The following CAPN13 variants were observed in gnomAD, a reference collection of about 807,000 sequenced individuals.
The protein encoded by CAPN13 is calpain-13.
Under a neutral mutation model 98.4 loss-of-function variants are expected in CAPN13, and 90 were observed. That is an observed-to-expected ratio of 0.92 (90% CI 0.77 to 1.09). The LOEUF (loss-of-function observed/expected upper bound fraction) is 1.09. Ranked by LOEUF, CAPN13 falls within the 50% of genes least tolerant of loss-of-function variation. The probability of loss-of-function intolerance (pLI) is 0.00; values close to 1 mark genes in which losing one functional copy is unlikely to be tolerated. For missense variants in CAPN13, 887 were observed against 841.3 expected, an observed-to-expected ratio of 1.05 and a Z score of -0.67; for synonymous variants, 330 against 305.5, an observed-to-expected ratio of 1.08 and a Z score of -0.84.
At chr2:30,760,001 T>G (rs897149514) in intron 7 of CAPN13, among the ~76,000 whole-genome samples, 1 of 152,222 alleles carries the variant, frequency 6.6e-6, no homozygotes, top group African/African-American at 2.4e-5. Context: ...TGACTTGCAA[T>G]GCCTCCAAGA....
chr2:30,772,128 T>C (rs1416829668), intron 4 of CAPN13, among the ~76,000 whole-genome samples: 1 of 152,164 alleles, frequency 6.6e-6, no homozygotes, highest in Non-Finnish European at 1.5e-5. Flanking sequence ...TCAGATAAGT[T>C]TGCCACTCTC....
intron 7 of CAPN13, among the ~76,000 whole-genome samples, chr2:30,761,641 T>G (rs1026892766): frequency 2.0e-5 from 3 of 152,236 alleles, no homozygotes; most frequent in Non-Finnish European, 4.4e-5. Context: ...GGCACCTGAC[T>G]TCCTCATCTC....
At chr2:30,795,058 A>G (rs1398839258) in intron 1 of CAPN13, among the ~76,000 whole-genome samples, 1 of 152,018 alleles carries the variant, frequency 6.6e-6, no homozygotes, top group East Asian at 1.9e-4. Flanking sequence ...AATGCTATAT[A>G]TAATTTATAT....
At chr2:30,804,446 G>A (rs779882292) in intron 1 of CAPN13, among the ~76,000 whole-genome samples, 4 of 152,048 alleles carry the variant, frequency 2.6e-5, no homozygotes, top group African/African-American at 4.8e-5. Context: ...CAGGCAATCC[G>A]CCCACCTCGG....
At chr2:30,731,583 T>TGGCTCAG (rs975901442) in intron 20 of CAPN13, among the ~76,000 whole-genome samples, 184 bp from the exon 21 acceptor site, 6 of 152,154 alleles carry the variant, frequency 3.9e-5, no homozygotes, top group Non-Finnish European at 8.8e-5. Context: ...ACGGGGCGAG[T>TGGCTCAG]GGCTCAGGGC....
intron 4 of CAPN13, among the ~76,000 whole-genome samples, chr2:30,770,795 A>T (rs1673366020): frequency 6.6e-6 from 1 of 152,336 alleles, no homozygotes. Context: ...TTGTGCACAA[A>T]ATGGCAATAG....
intron 1 of CAPN13, among the ~76,000 whole-genome samples, chr2:30,791,926 A>C (rs1674627201): frequency 1.3e-5 from 2 of 152,238 alleles, no homozygotes; most frequent in South Asian, 4.1e-4. Context: ...GAATACACAG[A>C]TAAATCACCT....
Position 30,758,097 on chromosome 2 carries a change from C to T in CAPN13, c.815G>A (p.Trp272Ter), listed in dbSNP as rs749948607. 1 of 1,610,364 alleles carries T rather than the reference C, an allele frequency of 6.2e-7. No individual in the cohort carries two copies. Among genetic ancestry groups the T allele is most frequent in the Non-Finnish European group, 8.5e-7 (1 of 1,178,506 alleles). ...GGCCTCGCCCCAGCCCCAGGGGTTC[C>T]ACAGGGAGATAATTTCTTCCCAGCC... ...RRGWEEIISL[W>*]NPWGWGEAEW... The change falls in exon 8 of 23, where the codon TGG becomes TAG. Residue 272 changes from tryptophan to a stop codon, truncating the protein, a stop_gained. Coordinates refer to ENST00000295055, the MANE Select transcript of CAPN13 (RefSeq NM_144575.3). LOFTEE classifies it high-confidence loss of function.
intron 15 of CAPN13, among the ~76,000 whole-genome samples, chr2:30,740,046 G>T (rs1671570115): frequency 6.6e-6 from 1 of 151,322 alleles, no homozygotes; most frequent in Non-Finnish European, 1.5e-5. Flanking sequence ...CTACAGTGAA[G>T]GAAGAACCGG....
Position 30,750,097 on chromosome 2 carries a change from T to C in CAPN13, c.1236+1006A>G, listed in dbSNP as rs111974940. Among the ~76,000 whole-genome samples the C allele has an allele frequency of 3.1e-3, 466 of 152,270 alleles. 4 individuals carry two copies. Among genetic ancestry groups the C allele is most frequent in the African/African-American group, 9.3e-3 (388 of 41,550 alleles). On this transcript the variant is annotated intron_variant, in intron 11 of 22. Transcript: ENST00000295055. ...TCAATGACAGATTGGATAAAGAAAA[T>C]GTGGTACATATATACTGTGAAATAT...
chr2:30,730,361 C>G (rs1444144613), intron 22 of CAPN13, among the ~76,000 whole-genome samples: 5 of 152,232 alleles, frequency 3.3e-5, no homozygotes, highest in African/African-American at 1.2e-4. Context: ...TCTTCTCTCC[C>G]TAAGGCCTGA....
rs1409206785 is a variant in CAPN13 at position 30,787,233 on chromosome 2, C to G, written c.93G>C (p.Met31Ile). 6.2e-7 allele frequency: 1 copy of G among 1,612,450 alleles called. No homozygotes were observed. The highest frequency in any genetic ancestry group is 1.7e-5 in the Admixed American group (1 of 59,848). Reference protein sequence around the residue: ...FTTLRDHCLSMGRTFKDETFP... With the variant: ...FTTLRDHCLSIGRTFKDETFP... ...ATGTCTCATCCTTAAACGTCCGGCC[C>G]ATGCTCAGGCAGTGATCCCGCAAGG... The change falls in exon 2 of 23, where the codon ATG (methionine) becomes ATC (isoleucine). Residue 31 changes from methionine (M) to isoleucine (I), a missense_variant. Physicochemically the swap from Met to Ile is conservative, Grantham distance 10. Transcript: ENST00000295055.
At chr2:30,738,351 T>C (rs763203272) in intron 16 of CAPN13, 49 bp downstream of exon 16, 1 of 1,612,506 alleles carries the variant, frequency 6.2e-7, no homozygotes, top group Non-Finnish European at 8.5e-7. Flanking sequence ...GGGGTGGGGT[T>C]GCCAGCAGGG....
At position 30,758,177 on chromosome 2, in the gene CAPN13, C is replaced by T. The variant is rs750323136; in HGVS notation, c.775-40G>A. ...GAAAAGGAAACTCAGTGCTCTACAG[C>T]AAAAGTCAGCAGAAAGGGGGATGAA... On this transcript the variant is annotated intron_variant, in intron 7 of 22. Coordinates refer to ENST00000295055, the MANE Select transcript of CAPN13 (RefSeq NM_144575.3). 14 of 1,456,048 alleles carry T rather than the reference C, an allele frequency of 9.6e-6. No individual in the cohort carries two copies. The South Asian group carries it at 1.7e-4, about 17-fold the overall frequency. The allele number at this position is 1,456,048 out of a possible 1,614,324, so 90.2% of individuals were successfully genotyped here.
chr2:30,780,735 G>C (rs778799462), intron 2 of CAPN13, among the ~76,000 whole-genome samples: 16 of 152,224 alleles, frequency 1.1e-4, no homozygotes, highest in Non-Finnish European at 1.9e-4. Flanking sequence ...TAAGCTGCTT[G>C]TTCCTTCCGG....
intron 15 of CAPN13, among the ~76,000 whole-genome samples, chr2:30,739,453 C>T (rs1671544880): frequency 6.6e-6 from 1 of 152,046 alleles, no homozygotes; most frequent in Non-Finnish European, 1.5e-5. Context: ...ATGGGGTCCT[C>T]ACCTAGAAGG....
intron 22 of CAPN13, among the ~76,000 whole-genome samples, chr2:30,728,065 G>A (rs1670921511): frequency 6.6e-6 from 1 of 151,782 alleles, no homozygotes. Flanking sequence ...AGGACCACAT[G>A]TTGTATGAAT....
intron 3 of CAPN13, among the ~76,000 whole-genome samples, chr2:30,776,540 C>T (rs2148050920): frequency 6.6e-6 from 1 of 152,298 alleles, no homozygotes. Flanking sequence ...CAGAGGTGCT[C>T]AGTTACAGCA....
In CAPN13 at chr2:30,724,381, A is replaced by G. The variant is rs1245793844; in HGVS notation, c.*31-1145T>C. ...CCCTCTGAACATTATTTTTTCTATA[A>G]TTAAGCAATCTGATCAAAAATTGCT... On this transcript the variant is annotated intron_variant, in intron 22 of 22. Transcript: ENST00000295055. 2.0e-5 allele frequency among the ~76,000 whole-genome samples: 3 copies of G among 152,164 alleles called. No individual in the cohort carries two copies. In the East Asian group the frequency reaches 5.8e-4, roughly 29 times the overall value.
Sources: allele counts gnomAD v4.1 joint callset (sites outside exome capture counted in the v4.1 genomes callset), GRCh38; gene constraint gnomAD v4.1.1; transcripts MANE v1.5; gene names NCBI Gene and HGNC (gene_info 2026-07-23, HGNC 2026-07-21).